ACKR1: variants seen among roughly 807,000 people sequenced by gnomAD.
The protein encoded by ACKR1 is atypical chemokine receptor 1 (Duffy blood group), also known as atypical chemokine receptor 1.
ACKR1 carries 3 observed loss-of-function variants against 2.5 expected under a neutral mutation model. The ratio of observed to expected loss-of-function variants is 1.18; its 90% CI spans 0.54 to 3.06. The LOEUF (loss-of-function observed/expected upper bound fraction) is 3.06. ACKR1 is among the 30% of genes most tolerant of loss of function. The pLI, the probability that ACKR1 is intolerant of heterozygous loss-of-function variation, is 0.03. For missense variants in ACKR1, 438 were observed against 395.2 expected (o/e 1.11, Z -0.92); for synonymous variants, 208 against 178.2 (o/e 1.17, Z -1.33).
chr1:159,205,751 G>T lies in ACKR1; in HGVS notation c.312G>T (p.Val104=), dbSNP rs1468422296. The T allele has an allele frequency of 6.2e-7, 1 of 1,614,038 alleles. No individual in the cohort carries two copies. The highest frequency in any genetic ancestry group is 8.5e-7 in the Non-Finnish European group (1 of 1,179,906). The change falls in exon 2 of 2, where the codon GTG becomes GTT. Residue 104 remains valine (V), a synonymous_variant. Transcript: ENST00000368122. ...PGWPVLAQLA[V]GSALFSIVVP... ...GGCCTGTCCTGGCACAGCTGGCTGT[G>T]GGCAGTGCCCTCTTCAGCATTGTGG... is the stretch of plus-strand genomic sequence containing the variant.
chr1:159,205,334 T>C lies in ACKR1; in HGVS notation c.22-127T>C, dbSNP rs571721740. 15 of 1,177,498 alleles carry C rather than the reference T, an allele frequency of 1.3e-5. No homozygotes were observed. The African/African-American group carries it at 2.2e-4, about 17-fold the overall frequency. The allele number at this position is 1,177,498 out of a possible 1,614,324, so 72.9% of individuals were successfully genotyped here. On this transcript the variant is annotated intron_variant, in intron 1 of 1. Transcript: ENST00000368122. ...CCTTTTCCACTGTCCGCACTGCATCTGACTCCTGCAGAGACCTTGTTCTCC... is the reference window on the plus strand; with the variant it reads ...CCTTTTCCACTGTCCGCACTGCATCCGACTCCTGCAGAGACCTTGTTCTCC...
chr1:159,206,371 C>A lies in ACKR1; in HGVS notation c.932C>A (p.Ala311Asp). The part of the protein sequence containing the change: ...PLLLALFCHQ[A>D]TRTLLPSLPL... ...CTCCTCGCCCTATTCTGCCACCAGG[C>A]CACCCGCACCCTCTTGCCCTCTCTG... Residue 311 changes from alanine to aspartate, a missense_variant, in exon 2 of 2, where the codon GCC becomes GAC. Physicochemically the swap from Ala to Asp is moderately radical, Grantham distance 126. Coordinates refer to ENST00000368122, the MANE Select transcript of ACKR1 (RefSeq NM_002036.4). 1 of 1,614,232 alleles carries A rather than the reference C, an allele frequency of 6.2e-7. No individual in the cohort carries two copies. The highest frequency in any genetic ancestry group is 1.1e-5 in the South Asian group (1 of 91,086).
chr1:159,206,013 G>T lies in ACKR1; in HGVS notation c.574G>T (p.Gly192Cys), dbSNP rs753960182. 2.5e-6 allele frequency: 4 copies of T among 1,614,194 alleles called. No individual in the cohort carries two copies. The highest frequency in any genetic ancestry group is 1.7e-6 in the Non-Finnish European group (2 of 1,180,018). ...LPVTLASGAS[G>C]GLCTLIYSTE... The stretch of plus-strand genomic sequence containing the variant: ...TGTCACCCTGGCCAGTGGTGCTTCT[G>T]GTGGACTCTGCACCCTGATATACAG... The change falls in exon 2 of 2, where the codon GGT (glycine) becomes TGT (cysteine). Residue 192 changes from glycine (G) to cysteine (C), a missense_variant. Transcript: ENST00000368122.
In ACKR1 at chr1:159,206,137, AG is replaced by A; in HGVS notation, c.700del (p.Ala234HisfsTer10). The A allele has an allele frequency of 2.5e-6, 4 of 1,614,234 alleles. No homozygotes were observed. The highest frequency in any genetic ancestry group is 3.4e-6 in the Non-Finnish European group (4 of 1,180,040). ...LGLFGAKGLK[K>X]ALGMGPGPWM... Reference sequence around the variant, plus strand: ...TTGTTTGGAGCCAAGGGGCTGAAGAAGGCATTGGGTATGGGGCCAGGCCCCT... The same window carrying A: ...TTGTTTGGAGCCAAGGGGCTGAAGAAGCATTGGGTATGGGGCCAGGCCCCT... On this transcript the variant is annotated frameshift_variant, in exon 2 of 2. Transcript: ENST00000368122. LOFTEE classifies it low-confidence loss of function (END_TRUNC).
intron 1 of ACKR1, 150 bp from the exon 2 acceptor site, chr1:159,205,311 T>G: frequency 1.0e-6 from 1 of 992,680 alleles, no homozygotes. Flanking sequence ...TGCTTTGTCC[T>G]TTTCCACTGT....
intron 1 of ACKR1, 188 bp from the exon 2 acceptor site, chr1:159,205,273 T>C: frequency 1.3e-6 from 1 of 771,480 alleles, no homozygotes; most frequent in Non-Finnish European, 2.0e-6. Context: ...TCCCCAGGAC[T>C]GTTCCTGCTC....
chr1:159,206,148 A>C lies in ACKR1; in HGVS notation c.709A>C (p.Met237Leu). The C allele has an allele frequency of 1.9e-6, 3 of 1,614,166 alleles. No homozygotes were observed. Among genetic ancestry groups the C allele is most frequent in the Non-Finnish European group, 8.5e-7 (1 of 1,180,018 alleles). ...GAKGLKKALG[M>L]GPGPWMNILW... ...CAAGGGGCTGAAGAAGGCATTGGGT[A>C]TGGGGCCAGGCCCCTGGATGAATAT... Residue 237 changes from methionine (M) to leucine (L), a missense_variant, in exon 2 of 2, where the codon ATG becomes CTG. Coordinates refer to ENST00000368122, the MANE Select transcript of ACKR1 (RefSeq NM_002036.4).
At chr1:159,205,273 TG>T in intron 1 of ACKR1, 187 bp from the exon 2 acceptor site, 1 of 771,480 alleles carries the variant, frequency 1.3e-6, no homozygotes, top group Non-Finnish European at 2.0e-6. Context: ...TCCCCAGGAC[TG>T]TTCCTGCTCC....
chr1:159,206,202 C>G lies in ACKR1; in HGVS notation c.763C>G (p.Pro255Ala). 1 of 1,614,224 alleles carries G rather than the reference C, an allele frequency of 6.2e-7. No individual in the cohort carries two copies. Among genetic ancestry groups the G allele is most frequent in the Non-Finnish European group, 8.5e-7 (1 of 1,180,024 alleles). The change falls in exon 2 of 2, where the codon CCT (proline) becomes GCT (alanine). Residue 255 changes from proline (P) to alanine (A), a missense_variant. Transcript: ENST00000368122. ...ILWAWFIFWW[P>A]HGVVLGLDFL... Reference sequence around the variant, plus strand: ...GTGGGCCTGGTTTATTTTCTGGTGGCCTCATGGGGTGGTTCTAGGACTGGA... The same window carrying G: ...GTGGGCCTGGTTTATTTTCTGGTGGGCTCATGGGGTGGTTCTAGGACTGGA...
At chr1:159,205,219 C>G (rs398102544) in intron 1 of ACKR1, 1 of 675,200 alleles carries the variant, frequency 1.5e-6, no homozygotes, top group African/African-American at 1.8e-5. Flanking sequence ...GGTGCCTTTT[C>G]CTTCTGACCT....
chr1:159,206,320 T>C lies in ACKR1; in HGVS notation c.881T>C (p.Ile294Thr), dbSNP rs1470178400. The C allele has an allele frequency of 1.2e-6, 2 of 1,614,210 alleles. No individual in the cohort carries two copies. Among genetic ancestry groups the C allele is most frequent in the Non-Finnish European group, 1.7e-6 (2 of 1,180,038 alleles). ...CTGAACCTGGCAGAAGCCCTGGCAA[T>C]TTTGCACTGTGTGGCTACGCCCCTG... Reference protein sequence around the residue: ...LLLNLAEALAILHCVATPLLL... With the variant: ...LLLNLAEALATLHCVATPLLL... Residue 294 changes from isoleucine (I) to threonine (T), a missense_variant, in exon 2 of 2, where the codon ATT becomes ACT. Transcript: ENST00000368122.
rs1372562467 is a variant in ACKR1 at position 159,205,967 on chromosome 1, G to A, written c.528G>A (p.Val176=). 6.2e-7 allele frequency: 1 copy of A among 1,613,912 alleles called. No homozygotes were observed. Among genetic ancestry groups the A allele is most frequent in the Non-Finnish European group, 8.5e-7 (1 of 1,179,970 alleles). The stretch of plus-strand genomic sequence containing the variant: ...GGCTCACTGTGGGAATTTGGGGAGT[G>A]GCTGCCCTACTGACACTGCCTGTCA... ...TLGLTVGIWG[V]AALLTLPVTL... is the part of the protein sequence containing the mutation. Residue 176 remains valine, a synonymous_variant, in exon 2 of 2, where the codon GTG becomes GTA. Coordinates refer to ENST00000368122, the MANE Select transcript of ACKR1 (RefSeq NM_002036.4).
Position 159,206,280 on chromosome 1 carries a change from G to T in ACKR1, c.841G>T (p.Ala281Ser). ...GTTGTCAACATGTCTGGCCCAGCAG[G>T]CTCTGGACCTGCTGCTGAACCTGGC... ...LLLSTCLAQQALDLLLNLAEA... is the reference protein window; with the variant it reads ...LLLSTCLAQQSLDLLLNLAEA... Residue 281 changes from alanine to serine, a missense_variant, in exon 2 of 2, where the codon GCT becomes TCT. Transcript: ENST00000368122. The T allele has an allele frequency of 6.2e-7, 1 of 1,614,220 alleles. No individual in the cohort carries two copies. The highest frequency in any genetic ancestry group is 8.5e-7 in the Non-Finnish European group (1 of 1,180,044).
In ACKR1 at chr1:159,205,818, G is replaced by T. The variant is rs373368791; in HGVS notation, c.379G>T (p.Ala127Ser). Residue 127 changes from alanine to serine, a missense_variant, in exon 2 of 2, where the codon GCC (alanine) becomes TCC (serine). Transcript: ENST00000368122. ...APGLGSTRSS[A>S]LCSLGYCVWY... is the part of the protein sequence containing the mutation. The stretch of plus-strand genomic sequence containing the variant: ...AGGGCTAGGTAGCACTCGCAGCTCT[G>T]CCCTGTGTAGCCTGGGCTACTGTGT... 19 of 1,613,922 alleles carry T rather than the reference G, an allele frequency of 1.2e-5. No individual in the cohort carries two copies. Among genetic ancestry groups the T allele is most frequent in the Middle Eastern group, 1.6e-4 (1 of 6,082 alleles).
At chr1:159,205,012 A>G (rs1650391208) in intron 1 of ACKR1, 32 bp downstream of exon 1, 1 of 1,609,444 alleles carries the variant, frequency 6.2e-7, no homozygotes, top group African/African-American at 1.3e-5. Context: ...AGAGTCCCTT[A>G]TCCCTATGCC....
At position 159,205,702 on chromosome 1, in the gene ACKR1, T is replaced by TC; in HGVS notation, c.265dup (p.Arg89ProfsTer34). 1.2e-6 allele frequency: 2 copies of TC among 1,614,212 alleles called. No homozygotes were observed. Among genetic ancestry groups the TC allele is most frequent in the Non-Finnish European group, 1.7e-6 (2 of 1,180,038 alleles). On this transcript the variant is annotated frameshift_variant, in exon 2 of 2. Transcript: ENST00000368122. LOFTEE classifies it low-confidence loss of function (END_TRUNC). The stretch of plus-strand genomic sequence containing the variant: ...CTCTTCATGCTTTTCAGACCTCTCT[T>TC]CCGCTGGCAGCTCTGCCCTGGCTGG...
At position 159,205,852 on chromosome 1, in the gene ACKR1, G is replaced by T; in HGVS notation, c.413G>T (p.Gly138Val). The T allele has an allele frequency of 6.2e-7, 1 of 1,614,068 alleles. No individual in the cohort carries two copies. Among genetic ancestry groups the T allele is most frequent in the South Asian group, 1.1e-5 (1 of 91,072 alleles). ...LCSLGYCVWYGSAFAQALLLG... is the reference protein window; with the variant it reads ...LCSLGYCVWYVSAFAQALLLG... ...AGCCTGGGCTACTGTGTCTGGTATG[G>T]CTCAGCCTTTGCCCAGGCTTTGCTG... Residue 138 changes from glycine to valine, a missense_variant, in exon 2 of 2, where the codon GGC becomes GTC. Coordinates refer to ENST00000368122, the MANE Select transcript of ACKR1 (RefSeq NM_002036.4).
chr1:159,205,771 T>A lies in ACKR1; in HGVS notation c.332T>A (p.Ile111Asn). Residue 111 changes from isoleucine (I) to asparagine (N), a missense_variant, in exon 2 of 2, where the codon ATT becomes AAT. Coordinates refer to ENST00000368122, the MANE Select transcript of ACKR1 (RefSeq NM_002036.4). The part of the protein sequence containing the change: ...QLAVGSALFS[I>N]VVPVLAPGLG... ...GCTGTGGGCAGTGCCCTCTTCAGCA[T>A]TGTGGTGCCCGTCTTGGCCCCAGGG... 7 of 1,614,006 alleles carry A rather than the reference T, an allele frequency of 4.3e-6. No individual in the cohort carries two copies. Among genetic ancestry groups the A allele is most frequent in the Non-Finnish European group, 5.9e-6 (7 of 1,179,874 alleles).
Position 159,205,749 on chromosome 1 carries a change from G to A in ACKR1, c.310G>A (p.Val104Met), listed in dbSNP as rs778208530. The A allele has an allele frequency of 1.2e-6, 2 of 1,613,844 alleles. No homozygotes were observed. Among genetic ancestry groups the A allele is most frequent in the Non-Finnish European group, 1.7e-6 (2 of 1,179,894 alleles). Residue 104 changes from valine (V) to methionine (M), a missense_variant, in exon 2 of 2, where the codon GTG becomes ATG. By Grantham distance (21) the Val-to-Met change is conservative (BLOSUM62 1). Transcript: ENST00000368122. ...PGWPVLAQLAVGSALFSIVVP... is the reference protein window; with the variant it reads ...PGWPVLAQLAMGSALFSIVVP... Reference sequence around the variant, plus strand: ...CTGGCCTGTCCTGGCACAGCTGGCTGTGGGCAGTGCCCTCTTCAGCATTGT... The same window carrying A: ...CTGGCCTGTCCTGGCACAGCTGGCTATGGGCAGTGCCCTCTTCAGCATTGT...
Sources: allele counts gnomAD v4.1 joint callset, GRCh38; gene constraint gnomAD v4.1.1; transcripts MANE v1.5; gene names NCBI Gene and HGNC (gene_info 2026-07-23, HGNC 2026-07-21).